Variants in GPATCH1 observed in about 807,000 individuals in gnomAD.
GPATCH1 encodes the protein G patch domain-containing protein 1.
Under a neutral mutation model 114.9 loss-of-function variants are expected in GPATCH1, and 73 were observed. The observed-to-expected ratio is 0.64, with a 90% CI of 0.53 to 0.77. The LOEUF is 0.77. GPATCH1 is among the 30% of genes least tolerant of loss of function. The probability of loss-of-function intolerance (pLI) is 0.00; values close to 1 mark genes in which losing one functional copy is unlikely to be tolerated. For missense variants in GPATCH1, 1,058 were observed against 1,144.3 expected (o/e 0.92, Z 1.09); for synonymous variants, 391 against 428.4 (o/e 0.91, Z 1.08).
rs148617605 is a variant in GPATCH1 at position 33,098,521 on chromosome 19, C to A, written c.1000+619C>A. The stretch of plus-strand genomic sequence containing the variant: ...GGTGCAGGGCCAGACAGTGTAGAGT[C>A]GGTATTAGCAGCATGTGATTTGGAG... On this transcript the variant is annotated intron_variant, in intron 8 of 19. Transcript: ENST00000170564. Among the ~76,000 whole-genome samples the A allele has an allele frequency of 4.2e-4, 64 of 151,426 alleles. 1 individual carries two copies. The highest frequency in any genetic ancestry group is 3.2e-4 in the Non-Finnish European group (22 of 67,742).
In GPATCH1 at chr19:33,124,860, G is replaced by A. The variant is rs542214629; in HGVS notation, c.2522-245G>A. Among the ~76,000 whole-genome samples, 19 of 152,242 alleles carry A rather than the reference G, an allele frequency of 1.2e-4. No individual in the cohort carries two copies. The South Asian group carries it at 3.7e-3, about 30-fold the overall frequency. ...CATCTGGCAGCTGGGGTCACGGCAG[G>A]ATACTGATTGGATCACACAGGTCTT... is the stretch of plus-strand genomic sequence containing the variant. On this transcript the variant is annotated intron_variant, in intron 17 of 19. Coordinates refer to ENST00000170564, the MANE Select transcript of GPATCH1 (RefSeq NM_018025.3).
chr19:33,111,084 T>C (rs1972846554), intron 11 of GPATCH1, among the ~76,000 whole-genome samples: 2 of 151,090 alleles, frequency 1.3e-5, no homozygotes. Flanking sequence ...TGTCAGGATC[T>C]TGGCTCACTG....
intron 2 of GPATCH1, among the ~76,000 whole-genome samples, chr19:33,088,875 T>C (rs1188099170): frequency 6.6e-6 from 1 of 152,072 alleles, no homozygotes; most frequent in East Asian, 1.9e-4. Flanking sequence ...CAGTGTGGTC[T>C]CTAACTCCTG....
intron 10 of GPATCH1, among the ~76,000 whole-genome samples, chr19:33,108,235 C>T (rs77354136): frequency 0.03 from 4,509 of 152,244 alleles, 150 homozygotes; most frequent in East Asian, 0.19. Flanking sequence ...GTAGACTGTT[C>T]CCCTCACCAG....
chr19:33,083,373 C>T (rs566648479), intron 1 of GPATCH1, among the ~76,000 whole-genome samples: 8 of 150,754 alleles, frequency 5.3e-5, no homozygotes, highest in Admixed American at 1.3e-4. Flanking sequence ...TGACTCTCTA[C>T]GCCTGGCCCC....
At chr19:33,115,225 A>AT (rs71176196) in intron 15 of GPATCH1, among the ~76,000 whole-genome samples, 1,100 of 56,862 alleles carry the variant, frequency 0.019, 74 homozygotes, top group Non-Finnish European at 0.026. Context: ...TGCCTGGCTA[A>AT]TTTTTTTTTT....
At position 33,094,496 on chromosome 19, in the gene GPATCH1, G is replaced by A. The variant is rs1568339982; in HGVS notation, c.553+227G>A. 2.6e-5 allele frequency among the ~76,000 whole-genome samples: 4 copies of A among 152,238 alleles called. No individual in the cohort carries two copies. In the East Asian group the frequency reaches 7.7e-4, roughly 29 times the overall value. On this transcript the variant is annotated intron_variant, in intron 5 of 19. Coordinates refer to ENST00000170564, the MANE Select transcript of GPATCH1 (RefSeq NM_018025.3). ...AGGCTAATTTTTTGTATTTTTTGTA[G>A]AGACGGGGTTTTGCCATGTTGCCCA...
chr19:33,121,342 G>C (rs1219933630), intron 17 of GPATCH1, among the ~76,000 whole-genome samples: 2 of 107,242 alleles, frequency 1.9e-5, no homozygotes, highest in Non-Finnish European at 3.7e-5. Flanking sequence ...TTTTTGAGAT[G>C]GAGTTTTGCT....
chr19:33,128,427 A>C (rs149374293), intron 19 of GPATCH1, among the ~76,000 whole-genome samples: 3,203 of 152,150 alleles, frequency 0.021, 62 homozygotes, highest in Non-Finnish European at 0.034. Flanking sequence ...CGTCCAGCTA[A>C]TTTTTTGTAT....
intron 4 of GPATCH1, 119 bp from the exon 5 acceptor site, chr19:33,094,053 A>G: frequency 1.5e-6 from 1 of 650,222 alleles, no homozygotes; most frequent in Non-Finnish European, 2.8e-6. Context: ...AATGTGGGTG[A>G]GGGCAAGGGC....
chr19:33,112,675 C>T (rs1299186417), intron 13 of GPATCH1, 62 bp downstream of exon 13: 7 of 1,323,320 alleles, frequency 5.3e-6, no homozygotes, highest in African/African-American at 1.5e-5. Flanking sequence ...GCTAATTTTC[C>T]CCTTACATAC....
At chr19:33,109,411 G>A (rs908279544) in intron 10 of GPATCH1, among the ~76,000 whole-genome samples, 4 of 152,012 alleles carry the variant, frequency 2.6e-5, no homozygotes, top group South Asian at 2.1e-4. Flanking sequence ...CCGGCTACTC[G>A]GTGGGGATGA....
intron 18 of GPATCH1, 70 bp downstream of exon 18, chr19:33,125,272 T>C (rs1336756509): frequency 6.6e-7 from 1 of 1,519,170 alleles, no homozygotes; most frequent in Admixed American, 2.1e-5. Flanking sequence ...AGGAGTGTCA[T>C]ATACTGCAGC....
intron 8 of GPATCH1, among the ~76,000 whole-genome samples, chr19:33,099,323 TA>T (rs1360170861): frequency 1.3e-5 from 2 of 151,768 alleles, no homozygotes; most frequent in African/African-American, 4.8e-5. Context: ...AATCCTTTAA[TA>T]ATTAATGATA....
chr19:33,093,480 C>G lies in GPATCH1; in HGVS notation c.416C>G (p.Pro139Arg). Residue 139 changes from proline (P) to arginine (R), a missense_variant, in exon 4 of 20, where the codon CCT becomes CGT. Pro to Arg is a moderately radical substitution (Grantham distance 103, BLOSUM62 -2). Around this residue, in one of 3 missense-constraint regions of GPATCH1, gnomAD observed 893 missense variants for 977.4 expected, o/e 0.91. Coordinates refer to ENST00000170564, the MANE Select transcript of GPATCH1 (RefSeq NM_018025.3). ...TTGGCCGCTGCTACTGCCCCTATTC[C>G]TGGAGCCACCCTCCTTGATGACCTC... ...RQLAAATAPI[P>R]GATLLDDLIT... 6.2e-7 allele frequency: 1 copy of G among 1,614,012 alleles called. No homozygotes were observed. The highest frequency in any genetic ancestry group is 1.3e-5 in the African/African-American group (1 of 75,028).
intron 16 of GPATCH1, among the ~76,000 whole-genome samples, chr19:33,118,288 C>T (rs1171222457): frequency 6.6e-6 from 1 of 150,744 alleles, no homozygotes; most frequent in Admixed American, 6.7e-5. Context: ...AAGCAATCCT[C>T]CCACTTCAGC....
In GPATCH1 at chr19:33,081,195, T is replaced by TGGCGGCGCGGGAC; in HGVS notation, c.3_15dup (p.Ser6_?5). ...GGGGGCGGGGCCCGGAAGAGCAGGA[T>TGGCGGCGCGGGAC]GGCGGCGCGGGACAGTGACAGCGAA... On this transcript the variant is annotated frameshift_variant and start_lost, in exon 1 of 20. Transcript: ENST00000170564. LOFTEE classifies it high-confidence loss of function. 1 of 1,551,066 alleles carries TGGCGGCGCGGGAC rather than the reference T, an allele frequency of 6.4e-7. No individual in the cohort carries two copies. Among genetic ancestry groups the TGGCGGCGCGGGAC allele is most frequent in the Non-Finnish European group, 8.7e-7 (1 of 1,146,790 alleles).
rs2145328414 is a variant in GPATCH1, at chr19:33,111,815, A to G, written c.1677A>G (p.Ala559=). ...DEFARAALLY[A]SSHSTLSSRF... The stretch of plus-strand genomic sequence containing the variant: ...TTGCCCGGGCGGCCCTGCTGTACGC[A>G]TCTTCCCATTCGACCTTGTCCTCCA... The change falls in exon 12 of 20, where the codon GCA becomes GCG. Residue 559 remains alanine (A), a synonymous_variant. Coordinates refer to ENST00000170564, the MANE Select transcript of GPATCH1 (RefSeq NM_018025.3). 6.2e-7 allele frequency: 1 copy of G among 1,614,088 alleles called. No individual in the cohort carries two copies. Among genetic ancestry groups the G allele is most frequent in the Non-Finnish European group, 8.5e-7 (1 of 1,179,962 alleles).
rs766000956 is a variant in GPATCH1 at position 33,112,539 on chromosome 19, C to T, written c.1818C>T (p.Leu606=). The change falls in exon 13 of 20, where the codon CTC becomes CTT. Residue 606 remains leucine (L), a synonymous_variant. Transcript: ENST00000170564. The part of the protein sequence containing the change: ...SAVKMKMFGK[L]TRDTFEWHPD... ...TGAAGATGAAGATGTTTGGGAAGCTCACCCGAGACACGTTTGAGTGGCACC... is the reference window on the plus strand; with the variant it reads ...TGAAGATGAAGATGTTTGGGAAGCTTACCCGAGACACGTTTGAGTGGCACC... 2 of 1,613,796 alleles carry T rather than the reference C, an allele frequency of 1.2e-6. No homozygotes were observed. The highest frequency in any genetic ancestry group is 1.7e-6 in the Non-Finnish European group (2 of 1,179,844).
Sources: allele counts gnomAD v4.1 joint callset (sites outside exome capture counted in the v4.1 genomes callset), GRCh38; gene constraint gnomAD v4.1.1; regional missense constraint gnomAD v4.1.1; transcripts MANE v1.5; gene names NCBI Gene and HGNC (gene_info 2026-07-23, HGNC 2026-07-21).